The following CRISP1 variants were observed in gnomAD, a reference collection of about 807,000 sequenced individuals.
The protein encoded by CRISP1 is cysteine rich secretory protein 1.
In CRISP1, 44 loss-of-function variants were observed where a neutral mutation model predicts 33.1. That is an observed-to-expected ratio of 1.33 (90% CI 1.05 to 1.71). The LOEUF is 1.71. Ranked by LOEUF, CRISP1 falls within the 40% of genes most tolerant of loss-of-function variation. The pLI is 0.00. For synonymous variants in CRISP1, 103 were observed against 98.7 expected (o/e 1.04, Z -0.26); for missense variants, 390 against 301.2 (o/e 1.29, Z -2.18).
chr6:49,874,070 T>G (rs989894858), intron 1 of CRISP1, among the ~76,000 whole-genome samples: 4 of 152,058 alleles, frequency 2.6e-5, no homozygotes, highest in Non-Finnish European at 5.9e-5. Context: ...ATATACCATG[T>G]TGAATTTTTG....
At chr6:49,837,235 TCAAA>T (rs1770828995) in intron 7 of CRISP1, among the ~76,000 whole-genome samples, 1 of 152,206 alleles carries the variant, frequency 6.6e-6, no homozygotes, top group African/African-American at 2.4e-5. Flanking sequence ...TCTCACTTTC[TCAAA>T]CACTTACAGG....
intron 1 of CRISP1, among the ~76,000 whole-genome samples, chr6:49,873,615 T>C (rs1365563314): frequency 6.6e-6 from 1 of 152,098 alleles, no homozygotes; most frequent in Non-Finnish European, 1.5e-5. Context: ...ATCAACAAAA[T>C]GGATCAAAAG....
At chr6:49,862,497 A>G (rs1291506842) in intron 1 of CRISP1, among the ~76,000 whole-genome samples, 1 of 152,142 alleles carries the variant, frequency 6.6e-6, no homozygotes, top group African/African-American at 2.4e-5. Context: ...TTTATGATAT[A>G]AGATATTTGA....
chr6:49,862,823 A>AG (rs1554150152), intron 1 of CRISP1, among the ~76,000 whole-genome samples: 2 of 152,050 alleles, frequency 1.3e-5, no homozygotes, highest in Non-Finnish European at 2.9e-5. Context: ...CTACAAAAAA[A>AG]AAAACAAAAC....
chr6:49,845,527 C>T (rs959360206), intron 5 of CRISP1, among the ~76,000 whole-genome samples: 2 of 152,068 alleles, frequency 1.3e-5, no homozygotes, highest in African/African-American at 4.8e-5. Context: ...CTGGTGGGAA[C>T]GTAAAATGGT....
intron 6 of CRISP1, among the ~76,000 whole-genome samples, chr6:49,840,457 TTG>T (rs1770947588): frequency 1.3e-5 from 2 of 152,218 alleles, no homozygotes; most frequent in Admixed American, 1.3e-4. Flanking sequence ...ATTTGTTTCC[TTG>T]TTAAGACTCC....
intron 3 of CRISP1, among the ~76,000 whole-genome samples, chr6:49,849,066 T>TCA (rs1304386539): frequency 6.6e-6 from 1 of 152,132 alleles, no homozygotes; most frequent in Non-Finnish European, 1.5e-5. Context: ...GTGCATCAAC[T>TCA]GTGCTGAGTT....
At chr6:49,871,664 CT>C (rs1478191561) in intron 1 of CRISP1, among the ~76,000 whole-genome samples, 1 of 150,154 alleles carries the variant, frequency 6.7e-6, no homozygotes, top group Non-Finnish European at 1.5e-5. Flanking sequence ...GTTTTTTGTC[CT>C]TGTGATAGTT....
chr6:49,846,497 G>A (rs1479637752), intron 5 of CRISP1, 23 bp downstream of exon 5: 2 of 1,607,632 alleles, frequency 1.2e-6, no homozygotes, highest in South Asian at 2.2e-5. Flanking sequence ...AACAATGTGT[G>A]TGTTTGCCAG....
intron 2 of CRISP1, among the ~76,000 whole-genome samples, chr6:49,852,565 G>A (rs1376338802): frequency 2.6e-5 from 4 of 152,164 alleles, no homozygotes; most frequent in Admixed American, 6.5e-5. Flanking sequence ...TTGTGTAGAG[G>A]TGTGTGTCTG....
intron 1 of CRISP1, among the ~76,000 whole-genome samples, chr6:49,871,818 C>G (rs969341515): frequency 2.0e-5 from 3 of 151,980 alleles, no homozygotes; most frequent in African/African-American, 4.8e-5. Flanking sequence ...ATTTGGGTTG[C>G]TTCCAAGTCT....
upstream of CRISP1, among the ~76,000 whole-genome samples, chr6:49,869,737 G>A (rs1361305114): frequency 6.6e-6 from 1 of 152,160 alleles, no homozygotes; most frequent in Non-Finnish European, 1.5e-5. Flanking sequence ...GGAAAAGGAA[G>A]GTACTATGGT....
At position 49,846,665 on chromosome 6, in the gene CRISP1, G is replaced by T. The variant is rs756515769; in HGVS notation, c.290C>A (p.Thr97Asn). Residue 97 changes from threonine to asparagine, a missense_variant, in exon 5 of 8, where the codon ACC becomes AAC. By Grantham distance (65) the Thr-to-Asn change is moderately conservative. Coordinates refer to ENST00000335847, the MANE Select transcript of CRISP1 (RefSeq NM_001131.3). ...SNPLERRLPN[T>N]FCGENMHMTS... Reference sequence around the variant, plus strand: ...CATATGCATATTTTCTCCACAAAAGGTATCTGAAATGAGAAAACGGGCTGG... The same window carrying T: ...CATATGCATATTTTCTCCACAAAAGTTATCTGAAATGAGAAAACGGGCTGG... 3.1e-6 allele frequency: 5 copies of T among 1,612,998 alleles called. No homozygotes were observed. The highest frequency in any genetic ancestry group is 1.1e-5 in the South Asian group (1 of 90,950).
intron 1 of CRISP1, among the ~76,000 whole-genome samples, chr6:49,865,234 G>T (rs999559591): frequency 6.6e-6 from 1 of 152,116 alleles, no homozygotes; most frequent in Non-Finnish European, 1.5e-5. Flanking sequence ...AAATGCAATT[G>T]AGTGGGGAAA....
Position 49,834,270 on chromosome 6 carries a change from T to TC in CRISP1, c.*1045dup, listed in dbSNP as rs1278792844. 1 of 151,718 alleles carries TC rather than the reference T, an allele frequency of 6.6e-6. No individual in the cohort carries two copies. Among genetic ancestry groups the TC allele is most frequent in the Non-Finnish European group, 1.5e-5 (1 of 67,924 alleles). The allele number at this position is 151,718 out of a possible 1,614,324, so 9.4% of individuals were successfully genotyped here. A position where few individuals can be genotyped will look rare whatever the true frequency, so the allele number is the denominator to read the frequency against. Reference sequence around the variant, plus strand: ...GTGGGTGATGTCTTTTTTTTTTTTTTCAAACACTTTATTGAAATGAGTAAA... The same window carrying TC: ...GTGGGTGATGTCTTTTTTTTTTTTTTCCAAACACTTTATTGAAATGAGTAAA... On this transcript the variant is annotated 3_prime_UTR_variant, in exon 8 of 8. Transcript: ENST00000335847.
chr6:49,863,508 G>C (rs897512223), intron 1 of CRISP1, among the ~76,000 whole-genome samples: 3 of 152,170 alleles, frequency 2.0e-5, no homozygotes, highest in Non-Finnish European at 4.4e-5. Flanking sequence ...GCAATCTTAA[G>C]CCAATACTCT....
intron 3 of CRISP1, among the ~76,000 whole-genome samples, chr6:49,850,792 A>AT (rs944562587): frequency 6.6e-6 from 1 of 151,936 alleles, no homozygotes; most frequent in African/African-American, 2.4e-5. Context: ...CGGAGGCTAT[A>AT]TTTTTTACTT....
intron 1 of CRISP1, among the ~76,000 whole-genome samples, chr6:49,859,614 C>T (rs948250130): frequency 5.9e-5 from 9 of 151,916 alleles, no homozygotes; most frequent in Admixed American, 5.3e-4. Context: ...AAGTATTAAA[C>T]CCACTGGTAG....
rs931429123 is a variant in CRISP1 at position 49,837,354 on chromosome 6, C to G, written c.622+1083G>C. On this transcript the variant is annotated intron_variant, in intron 7 of 7. Coordinates refer to ENST00000335847, the MANE Select transcript of CRISP1 (RefSeq NM_001131.3). ...TTTCACTTCTATTAAATTGTTATAC[C>G]ACCACAGACATTGCTTTTCTCACCT... Among the ~76,000 whole-genome samples, 5 of 152,114 alleles carry G rather than the reference C, an allele frequency of 3.3e-5. No homozygotes were observed. In the East Asian group the frequency reaches 9.7e-4, roughly 29 times the overall value.
Sources: gnomAD v4.1 joint callset for allele counts (sites outside exome capture counted in the v4.1 genomes callset) on GRCh38, gnomAD v4.1.1 for gene constraint, MANE v1.5 for transcripts, NCBI Gene and HGNC (gene_info 2026-07-23, HGNC 2026-07-21) for gene names.